Variants in SMTN observed in about 807,000 individuals in gnomAD.
SMTN encodes the protein smoothelin.
A neutral mutation model predicts 102.0 loss-of-function variants in SMTN; 58 were observed. The ratio of observed to expected loss-of-function variants is 0.57; its 90% CI spans 0.46 to 0.71. The LOEUF (loss-of-function observed/expected upper bound fraction) is 0.71, where lower values mean the gene tolerates loss of function less well. SMTN is among the 30% of genes least tolerant of loss of function. The pLI, the probability that SMTN is intolerant of heterozygous loss-of-function variation, is 0.00. For synonymous variants in SMTN, 478 were observed against 497.9 expected (o/e 0.96, Z 0.53); for missense variants, 1,185 against 1,241.7 (o/e 0.95, Z 0.69).
chr22:31,088,546 C>A lies in SMTN; in HGVS notation c.234C>A (p.Ala78=). The A allele has an allele frequency of 1.2e-6, 2 of 1,613,690 alleles. No homozygotes were observed. Among genetic ancestry groups the A allele is most frequent in the South Asian group, 2.2e-5 (2 of 91,066 alleles). The change falls in exon 4 of 21, where the codon GCC becomes GCA. Residue 78 remains alanine (A), a synonymous_variant. Transcript: ENST00000333137. The stretch of plus-strand genomic sequence containing the variant: ...AGCGGGAAGCTGAGCAGCGGGCTGC[C>A]CTGGCACGGCTGGCAGGGCAGCTGG... ...SQQREAEQRA[A]LARLAGQLES...
chr22:31,093,434 TC>T, intron 11 of SMTN: 1 of 506,772 alleles, frequency 2.0e-6, no homozygotes, highest in Non-Finnish European at 3.8e-6. Flanking sequence ...CCCCATAGAG[TC>T]CCCACCAGCA....
intron 20 of SMTN, chr22:31,103,266 G>A (rs1370508375): frequency 6.6e-6 from 1 of 152,222 alleles, no homozygotes; most frequent in African/African-American, 2.4e-5. Flanking sequence ...TGCCTTCCCT[G>A]CCATAGGAAA....
chr22:31,104,590 A>C lies in SMTN; in HGVS notation c.*295A>C. 4.4e-6 allele frequency: 4 copies of C among 907,218 alleles called. No homozygotes were observed. The highest frequency in any genetic ancestry group is 2.1e-5 in the Admixed American group (1 of 47,484). 56.2% of individuals were successfully genotyped at this position (907,218 alleles called of 1,614,324 possible). A position where few individuals can be genotyped will look rare whatever the true frequency, so the allele number is the denominator to read the frequency against. On this transcript the variant is annotated 3_prime_UTR_variant, in exon 21 of 21. Transcript: ENST00000333137. ...GCGACACCCTCCCCCCCACATACAC[A>C]CGCAGCGTTTTGATAAATTATTGGT...
At chr22:31,066,517 T>C (rs2041853970) in intron 1 of SMTN, 1 of 152,026 alleles carries the variant, frequency 6.6e-6, no homozygotes, top group Non-Finnish European at 1.5e-5. Flanking sequence ...TGTGTTACCA[T>C]GCTGGTGTCG....
chr22:31,085,542 G>C (rs556672284), intron 2 of SMTN, among the ~76,000 whole-genome samples: 9 of 152,214 alleles, frequency 5.9e-5, no homozygotes, highest in Non-Finnish European at 1.3e-4. Flanking sequence ...GGCTCCCCAG[G>C]GGGAGGAAGC....
chr22:31,074,997 A>C (rs993761646), intron 1 of SMTN, among the ~76,000 whole-genome samples: 1 of 152,144 alleles, frequency 6.6e-6, no homozygotes, highest in African/African-American at 2.4e-5. Flanking sequence ...CAAACCCCCA[A>C]TTTACAGAGG....
At chr22:31,090,223 C>T in intron 8 of SMTN, 43 bp downstream of exon 8, 1 of 1,479,826 alleles carries the variant, frequency 6.8e-7, no homozygotes, top group Non-Finnish European at 9.2e-7. Context: ...CTTTCTTCCC[C>T]TCCCCCTGCC....
At chr22:31,082,258 T>C (rs757787001) in intron 1 of SMTN, 49 of 221,386 alleles carry the variant, frequency 2.2e-4, no homozygotes, top group Non-Finnish European at 4.1e-4. Context: ...AGACATTAGT[T>C]GGGGCTACAG....
chr22:31,068,118 A>G (rs1010573167), intron 1 of SMTN: 1 of 152,146 alleles, frequency 6.6e-6, no homozygotes, highest in Non-Finnish European at 1.5e-5. Context: ...CAACGGGCCA[A>G]TATGGTGAAA....
chr22:31,096,596 G>C, intron 13 of SMTN, 137 bp from the exon 14 acceptor site: 2 of 856,010 alleles, frequency 2.3e-6, no homozygotes, highest in Non-Finnish European at 3.4e-6. Context: ...CTCCTAGAGA[G>C]GCCCTTGTTA....
At chr22:31,074,224 T>A (rs190487752) in intron 1 of SMTN, among the ~76,000 whole-genome samples, 1 of 151,244 alleles carries the variant, frequency 6.6e-6, no homozygotes, top group Non-Finnish European at 1.5e-5. Context: ...TCCATCTCTA[T>A]AAAAATTAGT....
intron 1 of SMTN, among the ~76,000 whole-genome samples, chr22:31,072,440 C>T (rs1221717826): frequency 2.0e-5 from 3 of 152,138 alleles, no homozygotes; most frequent in Admixed American, 2.0e-4. Context: ...GTTCCTCAAC[C>T]TTTCTGAGTC....
rs2043625766 is a variant in SMTN at position 31,096,829 on chromosome 22, A to G, written c.1958A>G (p.His653Arg). 1.3e-6 allele frequency: 2 copies of G among 1,575,168 alleles called. No individual in the cohort carries two copies. The highest frequency in any genetic ancestry group is 4.5e-5 in the East Asian group (2 of 44,390). Residue 653 changes from histidine to arginine, a missense_variant, in exon 14 of 21, where the codon CAC (histidine) becomes CGC (arginine). Around this residue, in one of 2 missense-constraint regions of SMTN, gnomAD observed 1,096 missense variants for 1,112.7 expected, o/e 0.98. Transcript: ENST00000333137. Reference sequence around the variant, plus strand: ...ACAGCCACTGAGACCACCACGAGGCACAGCCAGCGGGCAGCTGATGGCTCT... The same window carrying G: ...ACAGCCACTGAGACCACCACGAGGCGCAGCCAGCGGGCAGCTGATGGCTCT... ...GNTATETTTRHSQRAADGSAV... is the reference protein window; with the variant it reads ...GNTATETTTRRSQRAADGSAV...
At chr22:31,072,293 T>TA (rs2042023212) in intron 1 of SMTN, among the ~76,000 whole-genome samples, 1 of 152,252 alleles carries the variant, frequency 6.6e-6, no homozygotes, top group Middle Eastern at 3.4e-3. Context: ...AGAAATTAAG[T>TA]AACTTGCCAA....
chr22:31,091,715 C>T lies in SMTN; in HGVS notation c.1500C>T (p.Ser500=), dbSNP rs35541583. 64,515 of 1,611,952 alleles carry T rather than the reference C, an allele frequency of 0.04. 1,523 individuals are homozygous for T. Among genetic ancestry groups the T allele is most frequent in the Middle Eastern group, 0.088 (530 of 6,048 alleles). ...TGCGGGCGCCCCCGACCCTACTCAG[C>T]ACCAGTAGTGGGGGCAAGAGCACCA... ...LGLRAPPTLL[S]TSSGGKSTIT... The change falls in exon 11 of 21, where the codon AGC becomes AGT. Residue 500 remains serine, a synonymous_variant. Coordinates refer to ENST00000333137, the MANE Select transcript of SMTN (RefSeq NM_134269.3).
chr22:31,080,739 C>A (rs2042254456), upstream of SMTN: 1 of 152,250 alleles, frequency 6.6e-6, no homozygotes, highest in Admixed American at 6.6e-5. Context: ...TACAAGAAGG[C>A]AATGTCTGTT....
chr22:31,089,747 A>G lies in SMTN; in HGVS notation c.520A>G (p.Thr174Ala). The G allele has an allele frequency of 6.2e-7, 1 of 1,609,090 alleles. No homozygotes were observed. The highest frequency in any genetic ancestry group is 8.5e-7 in the Non-Finnish European group (1 of 1,179,654). The change falls in exon 7 of 21, where the codon ACC becomes GCC. Residue 174 changes from threonine to alanine, a missense_variant. Transcript: ENST00000333137. ...QEQQAEVSKP[T>A]PTPEGTSQDV... is the part of the protein sequence containing the mutation. ...ACAGCAGGCAGAGGTTTCAAAGCCA[A>G]CCCCCACCCCTGAAGGCACCAGCCA...
rs757846700 is a variant in SMTN, at chr22:31,091,258, A to C, written c.1235A>C (p.Gln412Pro). Reference sequence around the variant, plus strand: ...CTGGCCCAGCTTCGAAGCTGCCCCCAGGAGGAGGGCCCCAGGGGGCGGGGC... The same window carrying C: ...CTGGCCCAGCTTCGAAGCTGCCCCCCGGAGGAGGGCCCCAGGGGGCGGGGC... ...QPLAQLRSCPQEEGPRGRGLA... is the reference protein window; with the variant it reads ...QPLAQLRSCPPEEGPRGRGLA... The change falls in exon 10 of 21, where the codon CAG (glutamine) becomes CCG (proline). Residue 412 changes from glutamine (Q) to proline (P), a missense_variant. By Grantham distance (76) the Gln-to-Pro change is moderately conservative. Coordinates refer to ENST00000333137, the MANE Select transcript of SMTN (RefSeq NM_134269.3). 2.4e-5 allele frequency: 39 copies of C among 1,602,672 alleles called. No individual in the cohort carries two copies. Among genetic ancestry groups the C allele is most frequent in the Non-Finnish European group, 3.3e-5 (39 of 1,174,994 alleles).
intron 11 of SMTN, 120 bp downstream of exon 11, chr22:31,091,967 G>A: frequency 1.0e-6 from 1 of 999,354 alleles, no homozygotes; most frequent in Non-Finnish European, 1.4e-6. Context: ...AGAAACCGAG[G>A]CCCAGAGAGG....
Sources: allele counts gnomAD v4.1 joint callset (sites outside exome capture counted in the v4.1 genomes callset), GRCh38; gene constraint gnomAD v4.1.1; regional missense constraint gnomAD v4.1.1; transcripts MANE v1.5; gene names NCBI Gene and HGNC (gene_info 2026-07-23, HGNC 2026-07-21).